ACSF2: variants seen among roughly 807,000 people sequenced by gnomAD.
The protein encoded by ACSF2 is medium-chain acyl-CoA ligase ACSF2, mitochondrial.
A neutral mutation model predicts 79.3 loss-of-function variants in ACSF2; 52 were observed. That is an observed-to-expected ratio of 0.66 (90% confidence interval 0.53 to 0.83). The LOEUF (loss-of-function observed/expected upper bound fraction) is 0.83, where lower values mean the gene tolerates loss of function less well. Among genes scored for constraint, ACSF2 ranks in the 40% least tolerant of loss-of-function variants. The pLI is 0.00. For synonymous variants in ACSF2, 283 were observed against 312.6 expected, an observed-to-expected ratio of 0.91 and a Z score of 1.00; for missense variants, 661 against 803.3, an observed-to-expected ratio of 0.82 and a Z score of 2.14.
Position 50,463,133 on chromosome 17 carries a change from C to T in ACSF2, c.793-23C>T. 6.2e-7 allele frequency: 1 copy of T among 1,602,238 alleles called. No individual in the cohort carries two copies. Among genetic ancestry groups the T allele is most frequent in the Non-Finnish European group, 8.5e-7 (1 of 1,169,922 alleles). The stretch of plus-strand genomic sequence containing the variant: ...GGAAGGAGATGAGAAGGAGGCCAAG[C>T]CATGCCCTGTTTGCCTTGTCAGGGG... On this transcript the variant is annotated intron_variant, in intron 6 of 15. Coordinates refer to ENST00000300441, the MANE Select transcript of ACSF2 (RefSeq NM_025149.6). This position sits in a 1 kb window ranked among gnomAD's most constrained non-coding sequence, Gnocchi z 4.6.
chr17:50,460,127 C>A, intron 1 of ACSF2: 1 of 453,380 alleles, frequency 2.2e-6, no homozygotes, highest in Non-Finnish European at 4.4e-6. Context: ...ATAACAGGGG[C>A]CGCCCAGCTG....
chr17:50,448,525 G>GA (rs1190881496), intron 1 of ACSF2, among the ~76,000 whole-genome samples: 2 of 151,980 alleles, frequency 1.3e-5, no homozygotes, highest in Admixed American at 6.6e-5. Flanking sequence ...ATAACAAACA[G>GA]AAAAAAAGTC....
At chr17:50,453,848 T>C (rs942948465) in intron 1 of ACSF2, among the ~76,000 whole-genome samples, 1 of 151,600 alleles carries the variant, frequency 6.6e-6, no homozygotes, top group Non-Finnish European at 1.5e-5. Flanking sequence ...TGGAGTGCAG[T>C]GGGTGTAATC....
At chr17:50,431,490 C>T (rs371508475) in intron 1 of ACSF2, among the ~76,000 whole-genome samples, 2 of 152,196 alleles carry the variant, frequency 1.3e-5, no homozygotes, top group East Asian at 1.9e-4. Flanking sequence ...AAGGTTAGGT[C>T]TGCAGTTTGA....
chr17:50,462,069 T>C (rs1299750886), intron 4 of ACSF2, 115 bp from the exon 5 acceptor site: 12 of 803,572 alleles, frequency 1.5e-5, no homozygotes, highest in East Asian at 2.7e-5. Flanking sequence ...GTGCTGGAGG[T>C]GTGTGTGTCA....
intron 1 of ACSF2, among the ~76,000 whole-genome samples, chr17:50,452,702 A>G (rs944476002): frequency 2.6e-5 from 4 of 152,196 alleles, no homozygotes; most frequent in South Asian, 2.1e-4. Flanking sequence ...GAAAGAAAGA[A>G]AGAAAAAGAA....
intron 10 of ACSF2, chr17:50,464,769 T>TGGGGG (rs368836827): frequency 6.5e-5 from 11 of 170,512 alleles, no homozygotes; most frequent in East Asian, 2.9e-4. Context: ...CTGATTGACT[T>TGGGGG]GGGGGGGGGG....
chr17:50,461,425 G>C (rs1278525952), intron 3 of ACSF2, 55 bp downstream of exon 3: 1 of 1,610,510 alleles, frequency 6.2e-7, no homozygotes, highest in African/African-American at 1.3e-5. Context: ...CATCACTGAA[G>C]GGGAGCCCCT....
chr17:50,440,119 C>T (rs1240172649), intron 1 of ACSF2, among the ~76,000 whole-genome samples: 1 of 151,826 alleles, frequency 6.6e-6, no homozygotes, highest in African/African-American at 2.4e-5. Context: ...ACCTAGGGAC[C>T]AGCCTCCCAT....
rs202209206 is a variant in ACSF2 at position 50,464,774 on chromosome 17, G to GGT, written c.1215+481_1215+482insTG. On this transcript the variant is annotated intron_variant, in intron 10 of 15. Coordinates refer to ENST00000300441, the MANE Select transcript of ACSF2 (RefSeq NM_025149.6). ...TGTTGTGGTTCTGATTGACTTGGGG[G>GGT]GGGGGTCTCAGCAACAGCTTCTCCA... The GGT allele has an allele frequency of 9.3e-4, 309 of 333,130 alleles. 15 individuals carry two copies. Among genetic ancestry groups the GGT allele is most frequent in the African/African-American group, 7.1e-3 (296 of 41,482 alleles). 20.6% of individuals were successfully genotyped at this position (333,130 alleles called of 1,614,324 possible).
chr17:50,472,466 G>A lies in ACSF2; in HGVS notation c.1362G>A (p.Lys454=). ...IMNMEAGTLA[K]LNTPGELCIR... is the part of the protein sequence containing the mutation. ...ACATGGAGGCAGGGACGCTGGCAAAGCTGAACACGCCCGGGGAGCTGTGCA... is the reference window on the plus strand; with the variant it reads ...ACATGGAGGCAGGGACGCTGGCAAAACTGAACACGCCCGGGGAGCTGTGCA... The change falls in exon 12 of 16, where the codon AAG becomes AAA. Residue 454 remains lysine (K), a synonymous_variant. Coordinates refer to ENST00000300441, the MANE Select transcript of ACSF2 (RefSeq NM_025149.6). The A allele has an allele frequency of 1.2e-6, 2 of 1,613,012 alleles. No homozygotes were observed. The highest frequency in any genetic ancestry group is 2.2e-5 in the South Asian group (2 of 90,874).
Position 50,459,026 on chromosome 17 carries a change from G to A in ACSF2, c.129-1651G>A, listed in dbSNP as rs559440204. Among the ~76,000 whole-genome samples the A allele has an allele frequency of 3.9e-5, 6 of 152,344 alleles. No homozygotes were observed. The East Asian group carries it at 1.2e-3, about 29-fold the overall frequency. ...CTAGCATAGTACTTGGCACATACGG[G>A]TGCTCACTGAATGTGTGTCGAAAGC... is the stretch of plus-strand genomic sequence containing the variant. On this transcript the variant is annotated intron_variant, in intron 1 of 15. Transcript: ENST00000300441.
chr17:50,442,325 ATTTTTT>A (rs34855383), intron 1 of ACSF2, among the ~76,000 whole-genome samples: 1 of 117,268 alleles, frequency 8.5e-6, no homozygotes, highest in Non-Finnish European at 1.8e-5. Context: ...AAACAAAACA[ATTTTTT>A]TTTTTTTTTT....
chr17:50,433,656 T>A (rs2143498737), intron 1 of ACSF2, among the ~76,000 whole-genome samples: 1 of 152,228 alleles, frequency 6.6e-6, no homozygotes, highest in Non-Finnish European at 1.5e-5. Context: ...GGCTACTCTG[T>A]CACCTGGGAT....
At chr17:50,453,752 GT>G (rs969291506) in intron 1 of ACSF2, among the ~76,000 whole-genome samples, 1 of 151,684 alleles carries the variant, frequency 6.6e-6, no homozygotes, top group African/African-American at 2.4e-5. Flanking sequence ...TGTGGTTGTT[GT>G]TTTGGGTTTG....
In ACSF2 at chr17:50,435,902, G is replaced by A. The variant is rs558804683; in HGVS notation, c.128+9513G>A. Among the ~76,000 whole-genome samples the A allele has an allele frequency of 3.4e-4, 51 of 151,886 alleles. 1 individual carries two copies. The highest frequency in any genetic ancestry group is 3.1e-3 in the Admixed American group (47 of 15,266). ...CAAGTAGCTAGGATTACAGGTGCAT[G>A]CCACTGCACCCAGCGCTCAGTGAGT... On this transcript the variant is annotated intron_variant, in intron 1 of 15. Transcript: ENST00000300441.
intron 6 of ACSF2, 189 bp from the exon 7 acceptor site, chr17:50,462,967 C>T (rs2032440547): frequency 1.6e-6 from 1 of 615,932 alleles, no homozygotes; most frequent in South Asian, 2.0e-5. Context: ...AGAACGGAGA[C>T]CTTATCTTCT....
Position 50,460,784 on chromosome 17 carries a change from A to G in ACSF2, c.236A>G (p.Glu79Gly). Residue 79 changes from glutamate to glycine, a missense_variant, in exon 2 of 16, where the codon GAG becomes GGG. Physicochemically the swap from Glu to Gly is moderately conservative, Grantham distance 98 (BLOSUM62 -2). Transcript: ENST00000300441. ...LNSKTVGQCLETTAQRVPERE... is the reference protein window; with the variant it reads ...LNSKTVGQCLGTTAQRVPERE... ...AGCAAGACTGTGGGCCAGTGCCTGG[A>G]GACCACAGCACAGAGGGTCCCAGAA... 6.2e-7 allele frequency: 1 copy of G among 1,612,886 alleles called. No homozygotes were observed. The highest frequency in any genetic ancestry group is 2.2e-5 in the East Asian group (1 of 44,866).
chr17:50,471,577 C>T lies in ACSF2; in HGVS notation c.1323+442C>T, dbSNP rs540118764. The T allele has an allele frequency of 2.3e-4, 43 of 185,912 alleles. No homozygotes were observed. The highest frequency in any genetic ancestry group is 1.9e-3 in the East Asian group (14 of 7,528). The allele number at this position is 185,912 out of a possible 1,614,324, so 11.5% of individuals were successfully genotyped here. A position where few individuals can be genotyped will look rare whatever the true frequency, so the allele number is the denominator to read the frequency against. ...TCCCAAGCAGCCTATCCCTTTGGGG[C>T]GGTCCCTTTGCCCCTCAAAGGTTGC... On this transcript the variant is annotated intron_variant, in intron 11 of 15. Transcript: ENST00000300441. This position sits in a 1 kb window ranked among gnomAD's most constrained non-coding sequence, Gnocchi z 4.1.
Sources: allele counts gnomAD v4.1 joint callset (sites outside exome capture counted in the v4.1 genomes callset), GRCh38; gene constraint gnomAD v4.1.1; non-coding constraint Gnocchi (gnomAD v3.1); transcripts MANE v1.5; gene names NCBI Gene and HGNC (gene_info 2026-07-23, HGNC 2026-07-21).